The following MANEA variants were observed in gnomAD, a reference collection of about 807,000 sequenced individuals.
The protein encoded by MANEA is glycoprotein endo-alpha-1,2-mannosidase.
In MANEA, 25 loss-of-function variants were observed where a neutral mutation model predicts 36.8. The ratio of observed to expected loss-of-function variants is 0.68; its 90% CI spans 0.50 to 0.95. The LOEUF (loss-of-function observed/expected upper bound fraction) is 0.95. Among genes scored for constraint, MANEA ranks in the 40% least tolerant of loss-of-function variants. The pLI is 0.00. For missense variants in MANEA, 565 were observed against 558.8 expected, an observed-to-expected ratio of 1.01 and a Z score of -0.11; for synonymous variants, 198 against 188.5, an observed-to-expected ratio of 1.05 and a Z score of -0.41.
At chr6:95,589,462 A>G (rs772560254) in intron 2 of MANEA, among the ~76,000 whole-genome samples, 1 of 152,162 alleles carries the variant, frequency 6.6e-6, no homozygotes, top group Non-Finnish European at 1.5e-5. Flanking sequence ...TGCTTTTACA[A>G]TTAAGTGTGG....
rs536441319 is a variant in MANEA at position 95,586,386 on chromosome 6, T to G, written c.-38-16T>G. 1,726 of 1,419,452 alleles carry G rather than the reference T, an allele frequency of 1.2e-3. 2 individuals carry two copies. Among genetic ancestry groups the G allele is most frequent in the Middle Eastern group, 4.7e-3 (23 of 4,848 alleles). 87.9% of individuals were successfully genotyped at this position (1,419,452 alleles called of 1,614,324 possible). On this transcript the variant is annotated splice_polypyrimidine_tract_variant and intron_variant, in intron 1 of 4. Coordinates refer to ENST00000358812, the MANE Select transcript of MANEA (RefSeq NM_024641.4). The stretch of plus-strand genomic sequence containing the variant: ...TTGATAACACTTACTAATTATCTTT[T>G]TTCAATAAATTGCAGCAAAACACTT...
At chr6:95,591,098 T>C (rs1222978413) in intron 2 of MANEA, among the ~76,000 whole-genome samples, 1 of 152,228 alleles carries the variant, frequency 6.6e-6, no homozygotes, top group Non-Finnish European at 1.5e-5. Flanking sequence ...TGCTGATCAC[T>C]CTTTTCAATA....
intron 1 of MANEA, 36 bp from the exon 2 acceptor site, chr6:95,586,366 A>G: frequency 1.6e-6 from 2 of 1,216,166 alleles, no homozygotes; most frequent in Admixed American, 4.5e-5. Flanking sequence ...TACTGTTGAT[A>G]ACACTTACTA....
intron 3 of MANEA, among the ~76,000 whole-genome samples, chr6:95,600,890 A>T (rs1253423566): frequency 6.6e-6 from 1 of 152,232 alleles, no homozygotes; most frequent in Non-Finnish European, 1.5e-5. Context: ...TACTAATATT[A>T]GTCATTAAAT....
At chr6:95,582,686 T>G (rs1242823049) in intron 1 of MANEA, among the ~76,000 whole-genome samples, 2 of 152,258 alleles carry the variant, frequency 1.3e-5, no homozygotes, top group African/African-American at 4.8e-5. Flanking sequence ...TTCCTGCATA[T>G]TCACCATATG....
At chr6:95,589,064 G>C (rs1408642732) in intron 2 of MANEA, among the ~76,000 whole-genome samples, 1 of 151,836 alleles carries the variant, frequency 6.6e-6, no homozygotes, top group Non-Finnish European at 1.5e-5. Context: ...TTTACTTTTT[G>C]ATGGATTTTC....
chr6:95,599,725 C>T (rs1769553344), intron 3 of MANEA, among the ~76,000 whole-genome samples: 1 of 152,162 alleles, frequency 6.6e-6, no homozygotes, highest in Admixed American at 6.5e-5. Context: ...TGAGAAAGAG[C>T]TAAATAGGCA....
Position 95,596,738 on chromosome 6 carries a change from T to A in MANEA, c.546T>A (p.Gly182=). The A allele has an allele frequency of 6.5e-7, 1 of 1,546,346 alleles. No homozygotes were observed. Among genetic ancestry groups the A allele is most frequent in the East Asian group, 2.3e-5 (1 of 44,400 alleles). The change falls in exon 3 of 5, where the codon GGT becomes GGA. Residue 182 remains glycine, a splice_region_variant and synonymous_variant. Transcript: ENST00000358812. ...TTTCTTTTTGGTCTTTTCTATTAGG[T>A]GTACTAGCCCTCTCTTGGTACCCAC... is the stretch of plus-strand genomic sequence containing the variant. ...HMRQMRSASI[G]VLALSWYPPD...
At chr6:95,596,330 AT>A (rs968549386) in intron 2 of MANEA, among the ~76,000 whole-genome samples, 1 of 152,156 alleles carries the variant, frequency 6.6e-6, no homozygotes, top group African/African-American at 2.4e-5. Flanking sequence ...GTCAACCCTG[AT>A]GTAAACTATG....
At chr6:95,600,176 A>G (rs981831632) in intron 3 of MANEA, among the ~76,000 whole-genome samples, 1 of 152,184 alleles carries the variant, frequency 6.6e-6, no homozygotes, top group Non-Finnish European at 1.5e-5. Flanking sequence ...CTAATTGCCT[A>G]TTTAATGTTG....
At chr6:95,587,673 T>G (rs1769313891) in intron 2 of MANEA, among the ~76,000 whole-genome samples, 1 of 152,144 alleles carries the variant, frequency 6.6e-6, no homozygotes, top group African/African-American at 2.4e-5. Context: ...ATTCACCTGT[T>G]GATAGGTGTT....
Position 95,586,982 on chromosome 6 carries a change from T to C in MANEA, c.543T>C (p.Ile181=). The C allele has an allele frequency of 6.5e-7, 1 of 1,536,236 alleles. No individual in the cohort carries two copies. Among genetic ancestry groups the C allele is most frequent in the Non-Finnish European group, 8.9e-7 (1 of 1,121,976 alleles). The part of the protein sequence containing the change: ...THMRQMRSAS[I]GVLALSWYPP... ...TGAGACAAATGCGCTCAGCTTCAAT[T>C]GGTAATTATTGTATATATATATATG... Residue 181 remains isoleucine, a splice_region_variant and synonymous_variant, in exon 2 of 5, where the codon ATT becomes ATC. Transcript: ENST00000358812.
chr6:95,585,341 G>A (rs1465205605), intron 1 of MANEA, among the ~76,000 whole-genome samples: 1 of 151,912 alleles, frequency 6.6e-6, no homozygotes, highest in Non-Finnish European at 1.5e-5. Context: ...ACGTTTTCTT[G>A]CACTGTCACC....
intron 1 of MANEA, among the ~76,000 whole-genome samples, chr6:95,578,862 C>T (rs949510161): frequency 4.6e-5 from 7 of 152,134 alleles, no homozygotes; most frequent in African/African-American, 1.7e-4. Context: ...CATCTTGTGT[C>T]ACAAAAATAA....
chr6:95,578,641 C>A (rs1045979484), intron 1 of MANEA, among the ~76,000 whole-genome samples: 3 of 151,908 alleles, frequency 2.0e-5, no homozygotes, highest in South Asian at 2.1e-4. Context: ...CAGAAAAACA[C>A]CCCCCAAAAC....
intron 2 of MANEA, among the ~76,000 whole-genome samples, chr6:95,594,878 T>C (rs1043988988): frequency 3.3e-5 from 5 of 152,184 alleles, no homozygotes; most frequent in Non-Finnish European, 7.3e-5. Context: ...TGCTCACTTA[T>C]CTTTCTGGTT....
rs764999170 is a variant in MANEA, at chr6:95,596,757, T to A, written c.565T>A (p.Tyr189Asn). Residue 189 changes from tyrosine (Y) to asparagine (N), a missense_variant, in exon 3 of 5, where the codon TAC (tyrosine) becomes AAC (asparagine). Transcript: ENST00000358812. ...ASIGVLALSW[Y>N]PPDVNDENGE... ...ATTAGGTGTACTAGCCCTCTCTTGGTACCCACCTGATGTAAATGATGAAAA... is the reference window on the plus strand; with the variant it reads ...ATTAGGTGTACTAGCCCTCTCTTGGAACCCACCTGATGTAAATGATGAAAA... The A allele has an allele frequency of 1.2e-6, 2 of 1,601,642 alleles. No individual in the cohort carries two copies. Among genetic ancestry groups the A allele is most frequent in the Non-Finnish European group, 1.7e-6 (2 of 1,169,052 alleles).
chr6:95,585,236 AAC>A (rs1453426297), intron 1 of MANEA, among the ~76,000 whole-genome samples: 2 of 152,202 alleles, frequency 1.3e-5, no homozygotes, highest in African/African-American at 2.4e-5. Context: ...CTAAAACAAA[AAC>A]ACATATAATA....
At chr6:95,595,536 C>G (rs1769467193) in intron 2 of MANEA, among the ~76,000 whole-genome samples, 1 of 152,132 alleles carries the variant, frequency 6.6e-6, no homozygotes, top group Non-Finnish European at 1.5e-5. Context: ...GCGGCTAGCA[C>G]AAAACTTAGG....
Sources: gnomAD v4.1 joint callset for allele counts (sites outside exome capture counted in the v4.1 genomes callset) on GRCh38, gnomAD v4.1.1 for gene constraint, MANE v1.5 for transcripts, NCBI Gene and HGNC (gene_info 2026-07-23, HGNC 2026-07-21) for gene names.